CNTLN: variants seen among roughly 807,000 people sequenced by gnomAD.
CNTLN encodes centlein, also known as centlein, centrosomal protein.
Under a neutral mutation model 180.0 loss-of-function variants are expected in CNTLN, and 212 were observed. That is an observed-to-expected ratio of 1.18 (90% CI 1.05 to 1.32). CNTLN has a LOEUF of 1.32. Ranked by LOEUF, CNTLN falls within the 40% of genes most tolerant of loss-of-function variation. CNTLN has a pLI of 0.00. For missense variants in CNTLN, 2,095 were observed against 1,610.9 expected, an observed-to-expected ratio of 1.30 and a Z score of -5.14; for synonymous variants, 722 against 563.1, an observed-to-expected ratio of 1.28 and a Z score of -3.99.
intron 18 of CNTLN, among the ~76,000 whole-genome samples, chr9:17,420,355 G>A (rs1157795571): frequency 1.3e-5 from 2 of 152,160 alleles, no homozygotes; most frequent in African/African-American, 2.4e-5. Context: ...TTGGCATATA[G>A]TTGGTGACAG....
intron 3 of CNTLN, among the ~76,000 whole-genome samples, chr9:17,234,268 C>A (rs1420060876): frequency 6.6e-6 from 1 of 151,852 alleles, no homozygotes; most frequent in Non-Finnish European, 1.5e-5. Context: ...CATAGTGAGA[C>A]CTCATTTCTA....
At chr9:17,159,201 C>A (rs191941890) in intron 2 of CNTLN, among the ~76,000 whole-genome samples, 2 of 152,176 alleles carry the variant, frequency 1.3e-5, no homozygotes, top group East Asian at 3.9e-4. Flanking sequence ...TGTTTTATGG[C>A]CAAGCATATG....
chr9:17,213,051 C>A (rs553153639), intron 2 of CNTLN, among the ~76,000 whole-genome samples: 1 of 152,088 alleles, frequency 6.6e-6, no homozygotes, highest in South Asian at 2.1e-4. Context: ...GTGTCTCTAT[C>A]TCCTTCAGTT....
At chr9:17,138,039 A>T (rs940299122) in intron 1 of CNTLN, among the ~76,000 whole-genome samples, 4 of 152,328 alleles carry the variant, frequency 2.6e-5, no homozygotes, top group Non-Finnish European at 5.9e-5. Flanking sequence ...AAGCTTCCAA[A>T]TGTAGCTTTT....
At chr9:17,376,876 A>G (rs1417817422) in intron 13 of CNTLN, among the ~76,000 whole-genome samples, 1 of 152,210 alleles carries the variant, frequency 6.6e-6, no homozygotes, top group Non-Finnish European at 1.5e-5. Flanking sequence ...AACTAAATGA[A>G]GAGAAACAGA....
intron 19 of CNTLN, among the ~76,000 whole-genome samples, chr9:17,462,453 A>G (rs1831510544): frequency 6.6e-6 from 1 of 151,788 alleles, no homozygotes; most frequent in Non-Finnish European, 1.5e-5. Flanking sequence ...ATTCTTTTCG[A>G]CAAAGCAAGT....
chr9:17,519,155 T>A, the CNTLN span, among the ~76,000 whole-genome samples: 1 of 151,346 alleles, frequency 6.6e-6, no homozygotes, highest in Non-Finnish European at 1.5e-5. Context: ...CTCAAACTCT[T>A]GGGCTGAGGC....
At chr9:17,146,523 C>T (rs1436051120) in intron 2 of CNTLN, among the ~76,000 whole-genome samples, 1 of 152,124 alleles carries the variant, frequency 6.6e-6, no homozygotes, top group African/African-American at 2.4e-5. Flanking sequence ...GGGATTAGTG[C>T]CCTTATAAAG....
At chr9:17,406,134 A>G (rs1038475902) in intron 15 of CNTLN, among the ~76,000 whole-genome samples, 6 of 151,860 alleles carry the variant, frequency 4.0e-5, no homozygotes, top group African/African-American at 1.5e-4. Context: ...TTCTATCTTT[A>G]CAGTTGCACT....
At chr9:17,399,318 C>T (rs1826784392) in intron 15 of CNTLN, among the ~76,000 whole-genome samples, 1 of 151,934 alleles carries the variant, frequency 6.6e-6, no homozygotes, top group Non-Finnish European at 1.5e-5. Flanking sequence ...CATTTTTTTC[C>T]ATCCCTACAG....
chr9:17,282,527 TCTGTAGGTTGC>T (rs577977966), intron 6 of CNTLN, among the ~76,000 whole-genome samples: 1 of 152,332 alleles, frequency 6.6e-6, no homozygotes, highest in African/African-American at 2.4e-5. Flanking sequence ...TTTCTCCCAT[TCTGTAGGTTGC>T]CTGTTCACTT....
rs563774059 is a variant in CNTLN at position 17,266,424 on chromosome 9, C to G, written c.850-7309C>G. Among the ~76,000 whole-genome samples, 17 of 152,152 alleles carry G rather than the reference C, an allele frequency of 1.1e-4. 1 individual carries two copies. In the East Asian group the frequency reaches 1.2e-3, roughly 10 times the overall value. On this transcript the variant is annotated intron_variant, in intron 5 of 25. Coordinates refer to ENST00000380647, the MANE Select transcript of CNTLN (RefSeq NM_017738.4). ...GAGACAGTTTGTTATAATTTCTGTT[C>G]TTTTACATTTGCTGAGGAGAGCTTT...
At chr9:17,519,070 G>A in the CNTLN span, among the ~76,000 whole-genome samples, 1 of 135,648 alleles carries the variant, frequency 7.4e-6, no homozygotes, top group Non-Finnish European at 1.5e-5. Context: ...CTACAGGTGT[G>A]TGCTACCAGG....
intron 6 of CNTLN, among the ~76,000 whole-genome samples, chr9:17,282,031 C>T (rs1352875252): frequency 2.0e-5 from 3 of 152,140 alleles, no homozygotes; most frequent in African/African-American, 7.2e-5. Context: ...GGAGCGATCT[C>T]GGCTCACTGC....
intron 12 of CNTLN, among the ~76,000 whole-genome samples, chr9:17,360,210 A>G: frequency 6.6e-6 from 1 of 152,316 alleles, no homozygotes; most frequent in Middle Eastern, 3.4e-3. Flanking sequence ...TAGAAGCATT[A>G]TAGAAAAATG....
At chr9:17,400,865 T>G (rs968829757) in intron 15 of CNTLN, among the ~76,000 whole-genome samples, 1 of 152,136 alleles carries the variant, frequency 6.6e-6, no homozygotes, top group African/African-American at 2.4e-5. Context: ...TAACAAAGAT[T>G]TATTTTTCAA....
chr9:17,176,007 A>G (rs1820696092), intron 2 of CNTLN, among the ~76,000 whole-genome samples: 2 of 152,106 alleles, frequency 1.3e-5, no homozygotes, highest in African/African-American at 4.8e-5. Context: ...CTACATAATC[A>G]TGTTAATTAT....
At chr9:17,460,228 G>A (rs1831374199) in intron 19 of CNTLN, among the ~76,000 whole-genome samples, 1 of 151,642 alleles carries the variant, frequency 6.6e-6, no homozygotes, top group South Asian at 2.1e-4. Flanking sequence ...ATAGAGCCGA[G>A]ATGAGAACTC....
At chr9:17,318,686 G>C (rs572915704) in intron 8 of CNTLN, among the ~76,000 whole-genome samples, 1 of 152,266 alleles carries the variant, frequency 6.6e-6, no homozygotes, top group East Asian at 1.9e-4. Flanking sequence ...GTTAGATAGA[G>C]GAGAGATGTG....
Sources: allele counts gnomAD v4.1 joint callset (sites outside exome capture counted in the v4.1 genomes callset), GRCh38; gene constraint gnomAD v4.1.1; transcripts MANE v1.5; gene names NCBI Gene and HGNC (gene_info 2026-07-23, HGNC 2026-07-21).